The following MYO5C variants were observed in gnomAD, a reference collection of about 807,000 sequenced individuals.
The protein encoded by MYO5C is myosin VC.
MYO5C carries 194 observed loss-of-function variants against 235.7 expected under a neutral mutation model. The observed-to-expected ratio is 0.82, with a 90% CI of 0.73 to 0.93. The LOEUF is 0.93. Among genes scored for constraint, MYO5C ranks in the 40% least tolerant of loss-of-function variants. The pLI is 0.00. For missense variants in MYO5C, 2,038 were observed against 2,127.2 expected (o/e 0.96, Z 0.82); for synonymous variants, 707 against 754.8 (o/e 0.94, Z 1.04).
rs370617839 is a variant in MYO5C at position 52,264,176 on chromosome 15, A to G, written c.1047+14T>C. ...CCTTAGACAAAGGAAAAGTAAAACA[A>G]ATGAGCATCTCACACTAACTGAGGA... On this transcript the variant is annotated intron_variant, in intron 9 of 40. Transcript: ENST00000261839. 1.3e-6 allele frequency: 2 copies of G among 1,587,178 alleles called. No individual in the cohort carries two copies. Among genetic ancestry groups the G allele is most frequent in the Non-Finnish European group, 1.7e-6 (2 of 1,157,068 alleles).
chr15:52,194,328 A>C (rs1303329425), intron 40 of MYO5C, among the ~76,000 whole-genome samples: 1 of 152,248 alleles, frequency 6.6e-6, no homozygotes, highest in Non-Finnish European at 1.5e-5. Context: ...TTTCTATTCT[A>C]ATCTATTCTC....
intron 38 of MYO5C, among the ~76,000 whole-genome samples, chr15:52,197,786 C>G (rs1484626037): frequency 1.3e-5 from 2 of 151,906 alleles, no homozygotes; most frequent in African/African-American, 4.8e-5. Context: ...CAGGCGCCTG[C>G]CACTACACCC....
chr15:52,275,375 C>A lies in MYO5C; in HGVS notation c.606+187G>T, dbSNP rs1009814359. The stretch of plus-strand genomic sequence containing the variant: ...CCCAGCAGGTAGAGCAGAAGAGAGC[C>A]TTGAAAGTAACAATTCTGCCCCCAT... On this transcript the variant is annotated intron_variant, in intron 5 of 40. Transcript: ENST00000261839. Among the ~76,000 whole-genome samples, 8 of 152,170 alleles carry A rather than the reference C, an allele frequency of 5.3e-5. No homozygotes were observed. In the South Asian group the frequency reaches 1.7e-3, roughly 32 times the overall value.
rs549631316 is a variant in MYO5C at position 52,281,766 on chromosome 15, T to C, written c.138+1016A>G. 4.6e-5 allele frequency among the ~76,000 whole-genome samples: 7 copies of C among 152,368 alleles called. No homozygotes were observed. The South Asian group carries it at 1.4e-3, about 32-fold the overall frequency. ...TGTGTCTTTAACCGCTGTGTTCATC[T>C]GCCTTCCCAGGATCTCAGGAAATGT... On this transcript the variant is annotated intron_variant, in intron 2 of 40. Transcript: ENST00000261839.
chr15:52,231,524 G>T (rs1167587788), intron 24 of MYO5C, among the ~76,000 whole-genome samples: 1 of 152,094 alleles, frequency 6.6e-6, no homozygotes, highest in Non-Finnish European at 1.5e-5. Context: ...TATTTTTCTA[G>T]GTAAATGAGT....
chr15:52,287,778 A>C (rs1384138450), intron 1 of MYO5C, among the ~76,000 whole-genome samples: 1 of 152,148 alleles, frequency 6.6e-6, no homozygotes, highest in Non-Finnish European at 1.5e-5. Flanking sequence ...GGAGATTGAG[A>C]ATAGCCTGAC....
intron 2 of MYO5C, among the ~76,000 whole-genome samples, 155 bp downstream of exon 2, chr15:52,282,627 T>A (rs543351170): frequency 1.3e-5 from 2 of 152,286 alleles, no homozygotes; most frequent in Admixed American, 1.3e-4. Context: ...CATCAGTGAG[T>A]CCCGGCACCA....
chr15:52,248,586 T>TCACACACA (rs35030676), intron 14 of MYO5C, 114 bp downstream of exon 14: 4 of 646,892 alleles, frequency 6.2e-6, no homozygotes, highest in East Asian at 3.0e-5. Flanking sequence ...TCCAGAGAGT[T>TCACACACA]CACACACACA....
At chr15:52,283,161 C>A (rs1426265205) in intron 1 of MYO5C, among the ~76,000 whole-genome samples, 2 of 152,096 alleles carry the variant, frequency 1.3e-5, no homozygotes, top group Non-Finnish European at 2.9e-5. Flanking sequence ...ATCCGCGAGT[C>A]CCTTAATGGA....
intron 10 of MYO5C, among the ~76,000 whole-genome samples, chr15:52,260,166 C>T (rs2036661405): frequency 1.3e-5 from 2 of 152,176 alleles, no homozygotes; most frequent in African/African-American, 4.8e-5. Flanking sequence ...GAGCTGAGCC[C>T]GGGGTTTAGA....
chr15:52,266,691 C>G (rs1166317811), intron 8 of MYO5C, among the ~76,000 whole-genome samples: 2 of 152,208 alleles, frequency 1.3e-5, no homozygotes, highest in Non-Finnish European at 2.9e-5. Flanking sequence ...TAAGGTATAT[C>G]TAAGCAGTTT....
At chr15:52,244,260 G>A (rs2036289741) in intron 19 of MYO5C, 96 bp downstream of exon 19, 2 of 1,261,384 alleles carry the variant, frequency 1.6e-6, no homozygotes, top group African/African-American at 1.5e-5. Flanking sequence ...TGGGTCACAG[G>A]AGAAAGGTCC....
At chr15:52,224,418 G>C (rs1014560427) in intron 28 of MYO5C, among the ~76,000 whole-genome samples, 4 of 152,186 alleles carry the variant, frequency 2.6e-5, no homozygotes, top group African/African-American at 7.2e-5. Flanking sequence ...GGTGACAGTG[G>C]CGTGTCAGTG....
intron 38 of MYO5C, among the ~76,000 whole-genome samples, chr15:52,200,687 C>T (rs1455783083): frequency 6.6e-6 from 1 of 151,920 alleles, no homozygotes; most frequent in Non-Finnish European, 1.5e-5. Context: ...TCACATTAAA[C>T]AAAACAACTA....
intron 16 of MYO5C, among the ~76,000 whole-genome samples, chr15:52,246,407 A>T (rs2036345485): frequency 6.6e-6 from 1 of 152,188 alleles, no homozygotes; most frequent in Admixed American, 6.5e-5. Context: ...GTAGCTCTGC[A>T]GCTTAGGTCT....
At chr15:52,271,994 T>C (rs3751629) in intron 6 of MYO5C, 150 bp from the exon 7 acceptor site, 358,455 of 434,930 alleles carry the variant, frequency 0.82, 155,250 homozygotes, top group Non-Finnish European at 0.93. Context: ...AGGCCCTTCC[T>C]CTCAGCTGAG....
intron 1 of MYO5C, among the ~76,000 whole-genome samples, chr15:52,283,654 G>A (rs2037203930): frequency 6.6e-6 from 1 of 152,152 alleles, no homozygotes; most frequent in African/African-American, 2.4e-5. Flanking sequence ...GTGAGGTCAT[G>A]AGGGTAAGGC....
intron 14 of MYO5C, 98 bp downstream of exon 14, chr15:52,248,602 A>T: frequency 1.2e-6 from 1 of 845,318 alleles, no homozygotes; most frequent in Non-Finnish European, 2.0e-6. Flanking sequence ...ACACACACAC[A>T]CACACTCTCT....
chr15:52,202,219 A>AG (rs1336687232), intron 38 of MYO5C, among the ~76,000 whole-genome samples: 4 of 152,320 alleles, frequency 2.6e-5, no homozygotes, highest in Middle Eastern at 3.4e-3. Flanking sequence ...TCTATTAAAA[A>AG]TACAAAAATT....
Sources: allele counts gnomAD v4.1 joint callset (sites outside exome capture counted in the v4.1 genomes callset), GRCh38; gene constraint gnomAD v4.1.1; transcripts MANE v1.5; gene names NCBI Gene and HGNC (gene_info 2026-07-23, HGNC 2026-07-21).